Variants in ADGRG7 observed in about 807,000 individuals in gnomAD.
ADGRG7 encodes the protein G-protein coupled receptor 128.
A neutral mutation model predicts 88.6 loss-of-function variants in ADGRG7; 82 were observed. The ratio of observed to expected loss-of-function variants is 0.93; its 90% CI spans 0.77 to 1.11. The LOEUF (loss-of-function observed/expected upper bound fraction) is 1.11. Ranked by LOEUF, ADGRG7 falls within the 50% of genes most tolerant of loss-of-function variation. The probability of loss-of-function intolerance (pLI) is 0.00; values close to 1 mark genes in which losing one functional copy is unlikely to be tolerated. For synonymous variants in ADGRG7, 381 were observed against 345.2 expected, an observed-to-expected ratio of 1.10 and a Z score of -1.15; for missense variants, 945 against 953.4, an observed-to-expected ratio of 0.99 and a Z score of 0.12.
At chr3:100,611,295 C>T (rs13325410) in intron 1 of ADGRG7, among the ~76,000 whole-genome samples, 46,842 of 111,834 alleles carry the variant, frequency 0.42, 9,766 homozygotes, top group Non-Finnish European at 0.53. Flanking sequence ...TTCCTTCCTT[C>T]CTTCCTTTCT....
intron 15 of ADGRG7, among the ~76,000 whole-genome samples, chr3:100,691,143 G>A (rs974156222): frequency 6.6e-6 from 1 of 152,230 alleles, no homozygotes; most frequent in Non-Finnish European, 1.5e-5. Context: ...AAGCCTCCAT[G>A]GGCGTAGGAC....
intron 1 of ADGRG7, among the ~76,000 whole-genome samples, chr3:100,626,780 G>A (rs956509751): frequency 5.9e-5 from 9 of 151,872 alleles, no homozygotes; most frequent in Non-Finnish European, 1.2e-4. Context: ...GCAAGACTCC[G>A]TCAAAAGAAA....
At chr3:100,667,434 T>G (rs2094953342) in intron 14 of ADGRG7, among the ~76,000 whole-genome samples, 1 of 152,184 alleles carries the variant, frequency 6.6e-6, no homozygotes, top group South Asian at 2.1e-4. Flanking sequence ...GTATTTGTTT[T>G]TGTGATCTTG....
intron 1 of ADGRG7, among the ~76,000 whole-genome samples, chr3:100,628,362 C>CTTGTTTTTT (rs751702587): frequency 2.9e-5 from 4 of 140,286 alleles, no homozygotes; most frequent in African/African-American, 8.2e-5. Context: ...AACTCTGCCA[C>CTTGTTTTTT]TTGTTTTTTT....
chr3:100,658,793 T>C (rs2094940943), intron 13 of ADGRG7, among the ~76,000 whole-genome samples: 1 of 152,234 alleles, frequency 6.6e-6, no homozygotes. Context: ...ATCTGACATA[T>C]TGTGTATTTT....
chr3:100,657,850 C>T (rs1407195183), intron 13 of ADGRG7, among the ~76,000 whole-genome samples: 2 of 152,118 alleles, frequency 1.3e-5, no homozygotes, highest in African/African-American at 4.8e-5. Flanking sequence ...TCAGTTTCCT[C>T]CTAGGTCATT....
intron 2 of ADGRG7, 149 bp downstream of exon 2, chr3:100,629,860 A>G: frequency 3.5e-6 from 2 of 575,930 alleles, no homozygotes; most frequent in South Asian, 2.3e-5. Context: ...TATCAGCTCA[A>G]TAGTAAAAGC....
chr3:100,622,135 A>G (rs1707319777), intron 1 of ADGRG7, among the ~76,000 whole-genome samples: 1 of 152,092 alleles, frequency 6.6e-6, no homozygotes, highest in Non-Finnish European at 1.5e-5. Context: ...CCTGGTTCCT[A>G]ATAGGCCATG....
intron 11 of ADGRG7, among the ~76,000 whole-genome samples, chr3:100,651,929 C>T (rs7618197): frequency 0.51 from 77,777 of 151,734 alleles, 21,858 homozygotes; most frequent in South Asian, 0.76. Context: ...CCCAATAAAC[C>T]CATTGTAAAT....
intron 14 of ADGRG7, among the ~76,000 whole-genome samples, chr3:100,667,203 T>C (rs1340718980): frequency 6.6e-6 from 1 of 152,114 alleles, no homozygotes; most frequent in Non-Finnish European, 1.5e-5. Flanking sequence ...TATTATACTT[T>C]AAGTTCTGGG....
intron 15 of ADGRG7, among the ~76,000 whole-genome samples, chr3:100,686,183 G>C (rs983948242): frequency 6.6e-6 from 1 of 151,890 alleles, no homozygotes; most frequent in Non-Finnish European, 1.5e-5. Flanking sequence ...CTTTTGAGAA[G>C]TGTCTGTTCA....
intron 12 of ADGRG7, 130 bp downstream of exon 12, chr3:100,655,311 C>A: frequency 1.5e-6 from 1 of 651,788 alleles, no homozygotes; most frequent in Non-Finnish European, 2.6e-6. Flanking sequence ...ATAGTGATTG[C>A]TAAGAATACG....
At position 100,654,860 on chromosome 3, in the gene ADGRG7, T is replaced by G. The variant is rs1053592265; in HGVS notation, c.1405T>G (p.Trp469Gly). The G allele has an allele frequency of 6.9e-6, 11 of 1,584,410 alleles. No homozygotes were observed. The highest frequency in any genetic ancestry group is 1.1e-5 in the South Asian group (1 of 87,214). Residue 469 changes from tryptophan to glycine, a missense_variant, in exon 12 of 16, where the codon TGG becomes GGG. Transcript: ENST00000273352. Reference protein sequence around the residue: ...TRKVRKTSVTWVLVNLCISML... With the variant: ...TRKVRKTSVTGVLVNLCISML... The stretch of plus-strand genomic sequence containing the variant: ...GAAAGTCAGAAAAACCTCAGTAACC[T>G]GGGTTTTGGTCAATCTGTGCATATC...
chr3:100,665,494 T>C (rs1181774874), intron 14 of ADGRG7: 1 of 506,778 alleles, frequency 2.0e-6, no homozygotes, highest in Non-Finnish European at 4.1e-6. Context: ...CCGCCGTCAG[T>C]GGCCTGTTGC....
intron 13 of ADGRG7, among the ~76,000 whole-genome samples, chr3:100,658,409 A>AT (rs2094940421): frequency 6.6e-6 from 1 of 152,108 alleles, no homozygotes; most frequent in African/African-American, 2.4e-5. Flanking sequence ...CTGCACCTGG[A>AT]TTAATGTTTT....
chr3:100,657,492 C>T (rs867940046), intron 13 of ADGRG7, among the ~76,000 whole-genome samples: 3 of 152,214 alleles, frequency 2.0e-5, no homozygotes, highest in Admixed American at 6.5e-5. Context: ...CTTTAATGCT[C>T]TACCCCCAGT....
chr3:100,636,013 G>T (rs78186356), intron 5 of ADGRG7, among the ~76,000 whole-genome samples, 187 bp downstream of exon 5: 3,427 of 152,278 alleles, frequency 0.023, 135 homozygotes, highest in African/African-American at 0.079. Flanking sequence ...AGGGCCTCTT[G>T]TCCAAATATT....
At chr3:100,646,751 C>G in intron 10 of ADGRG7, 27 bp downstream of exon 10, 1 of 1,588,364 alleles carries the variant, frequency 6.3e-7, no homozygotes, top group Non-Finnish European at 8.6e-7. Flanking sequence ...CAATCTCTTT[C>G]CAGATGAGAA....
At chr3:100,632,260 T>G (rs1210827910) in intron 3 of ADGRG7, among the ~76,000 whole-genome samples, 1 of 152,078 alleles carries the variant, frequency 6.6e-6, no homozygotes, top group Non-Finnish European at 1.5e-5. Context: ...GGTTATTAAT[T>G]TTTCTTTTCT....
Sources: allele counts gnomAD v4.1 joint callset (sites outside exome capture counted in the v4.1 genomes callset), GRCh38; gene constraint gnomAD v4.1.1; transcripts MANE v1.5; gene names NCBI Gene and HGNC (gene_info 2026-07-23, HGNC 2026-07-21).